Variants in KCNH7 observed in about 807,000 individuals in gnomAD.
The protein encoded by KCNH7 is potassium voltage-gated channel subfamily H member 7.
In KCNH7, 49 loss-of-function variants were observed where a neutral mutation model predicts 120.8. The observed-to-expected ratio is 0.41, with a 90% CI of 0.32 to 0.51. KCNH7 has a LOEUF of 0.51. KCNH7 is among the 20% of genes least tolerant of loss of function. KCNH7 has a pLI of 0.38. For synonymous variants in KCNH7, 547 were observed against 516.1 expected, an observed-to-expected ratio of 1.06 and a Z score of -0.81; for missense variants, 1,097 against 1,446.6, an observed-to-expected ratio of 0.76 and a Z score of 3.92.
chr2:162,601,945 GTTATAA>G (rs1489620647), intron 2 of KCNH7, among the ~76,000 whole-genome samples: 1 of 152,042 alleles, frequency 6.6e-6, no homozygotes, highest in East Asian at 1.9e-4. Flanking sequence ...ATTACAAAAT[GTTATAA>G]ACCAGACATA....
intron 12 of KCNH7, among the ~76,000 whole-genome samples, chr2:162,391,008 G>A (rs1315767707): frequency 3.3e-5 from 5 of 151,940 alleles, no homozygotes; most frequent in Non-Finnish European, 7.4e-5. Context: ...GATCAAAGCC[G>A]GCAAATTTGC....
rs71410023 is a variant in KCNH7, at chr2:162,671,392, G to GTT, written c.308-134314_308-134313dup. On this transcript the variant is annotated intron_variant, in intron 2 of 15. Transcript: ENST00000332142. ...TCAGCCATTAAAAAAATGAAATCAT[G>GTT]TTTTTTTTTTTTTGCAGCAACATGC... 1.0e-3 allele frequency among the ~76,000 whole-genome samples: 148 copies of GTT among 143,260 alleles called. 1 individual carries two copies. Among genetic ancestry groups the GTT allele is most frequent in the Middle Eastern group, 3.7e-3 (1 of 272 alleles). The allele number at this position is 143,260 out of a possible 152,430, so 94.0% of individuals were successfully genotyped here. A position where few individuals can be genotyped will look rare whatever the true frequency, so the allele number is the denominator to read the frequency against.
intron 2 of KCNH7, among the ~76,000 whole-genome samples, chr2:162,779,349 T>C (rs578025852): frequency 2.6e-4 from 39 of 151,970 alleles, no homozygotes; most frequent in Non-Finnish European, 1.5e-4. Context: ...TACAGGCATG[T>C]GCCACCAAGC....
At chr2:162,454,809 GTTGT>G (rs1688903223) in intron 6 of KCNH7, among the ~76,000 whole-genome samples, 1 of 152,098 alleles carries the variant, frequency 6.6e-6, no homozygotes. Context: ...CTTTCCTGAA[GTTGT>G]TTATCAGCTT....
chr2:162,693,327 A>T (rs1686180590), intron 2 of KCNH7, among the ~76,000 whole-genome samples: 1 of 152,206 alleles, frequency 6.6e-6, no homozygotes, highest in Non-Finnish European at 1.5e-5. Flanking sequence ...AGCCTGGAAG[A>T]TAAGAGGTTA....
In KCNH7 at chr2:162,563,804, A is replaced by C. The variant is rs1693154306; in HGVS notation, c.308-26724T>G. Among the ~76,000 whole-genome samples, 3 of 152,074 alleles carry C rather than the reference A, an allele frequency of 2.0e-5. No homozygotes were observed. In the South Asian group the frequency reaches 6.2e-4, roughly 32 times the overall value. On this transcript the variant is annotated intron_variant, in intron 2 of 15. Coordinates refer to ENST00000332142, the MANE Select transcript of KCNH7 (RefSeq NM_033272.4). ...GTATAGACAGCATCTAAATCTGACAATCTGTCATCTTACAAAGAACATTAA... is the reference window on the plus strand; with the variant it reads ...GTATAGACAGCATCTAAATCTGACACTCTGTCATCTTACAAAGAACATTAA...
chr2:162,566,275 C>A (rs1279693014), intron 2 of KCNH7, among the ~76,000 whole-genome samples: 1 of 152,028 alleles, frequency 6.6e-6, no homozygotes, highest in Non-Finnish European at 1.5e-5. Context: ...GGCTTAACAT[C>A]TTTTATAAAA....
At chr2:162,560,158 A>G (rs1378361558) in intron 2 of KCNH7, among the ~76,000 whole-genome samples, 3 of 152,232 alleles carry the variant, frequency 2.0e-5, no homozygotes, top group Non-Finnish European at 4.4e-5. Context: ...CCAGAATTCA[A>G]TGAAGTAAAT....
chr2:162,500,542 G>A (rs76972987), intron 6 of KCNH7, among the ~76,000 whole-genome samples: 14 of 151,854 alleles, frequency 9.2e-5, no homozygotes, highest in Non-Finnish European at 1.8e-4. Flanking sequence ...GTGTAATAGA[G>A]ATAAGATCCA....
At position 162,587,036 on chromosome 2, in the gene KCNH7, G is replaced by T. The variant is rs576403763; in HGVS notation, c.308-49956C>A. ...CCATCACTAATTCTACTGATTAAAT[G>T]TTACTTGTAAGCAAAACTTAGTTAG... On this transcript the variant is annotated intron_variant, in intron 2 of 15. Coordinates refer to ENST00000332142, the MANE Select transcript of KCNH7 (RefSeq NM_033272.4). Among the ~76,000 whole-genome samples the T allele has an allele frequency of 7.2e-5, 11 of 152,072 alleles. No individual in the cohort carries two copies. The South Asian group carries it at 2.3e-3, about 31-fold the overall frequency.
chr2:162,756,645 T>C (rs566606175), intron 2 of KCNH7, among the ~76,000 whole-genome samples: 1 of 152,192 alleles, frequency 6.6e-6, no homozygotes, highest in South Asian at 2.1e-4. Context: ...TTGTTTATTT[T>C]TTAGAAAGAT....
At chr2:162,393,748 T>C (rs1437676358) in intron 12 of KCNH7, among the ~76,000 whole-genome samples, 1 of 151,942 alleles carries the variant, frequency 6.6e-6, no homozygotes. Flanking sequence ...TACACTCACT[T>C]GGGCTCCCAC....
chr2:162,580,781 A>G (rs10180795), intron 2 of KCNH7, among the ~76,000 whole-genome samples: 96,794 of 151,764 alleles, frequency 0.64, 32,490 homozygotes, highest in African/African-American at 0.85. Context: ...TGAGAAGAGT[A>G]CTTGGTTTGG....
Position 162,504,493 on chromosome 2 carries a change from CA to C in KCNH7, c.1077del (p.Ile359MetfsTer12), listed in dbSNP as rs1690797422. On this transcript the variant is annotated frameshift_variant, in exon 6 of 16. Transcript: ENST00000332142. LOFTEE classifies it high-confidence loss of function. ...TGTGTTCGATCTTTAACCTTGGGTG[CA>C]ATAATGGTTTTATCTGAAGAAGGAG... ...SSPPSSDKTI[I>X]APKVKDRTHN... 1 of 1,612,878 alleles carries C rather than the reference CA, an allele frequency of 6.2e-7. No homozygotes were observed. Among genetic ancestry groups the C allele is most frequent in the Non-Finnish European group, 8.5e-7 (1 of 1,179,338 alleles).
At chr2:162,829,597 G>A (rs1339772847) in intron 2 of KCNH7, among the ~76,000 whole-genome samples, 3 of 152,022 alleles carry the variant, frequency 2.0e-5, no homozygotes, top group East Asian at 3.9e-4. Flanking sequence ...TTAGGTAACA[G>A]GTTAATAATT....
chr2:162,534,250 G>A lies in KCNH7; in HGVS notation c.463+2675C>T, dbSNP rs554032354. Among the ~76,000 whole-genome samples the A allele has an allele frequency of 9.2e-5, 14 of 151,480 alleles. No individual in the cohort carries two copies. The South Asian group carries it at 2.9e-3, about 31-fold the overall frequency. On this transcript the variant is annotated intron_variant, in intron 3 of 15. Coordinates refer to ENST00000332142, the MANE Select transcript of KCNH7 (RefSeq NM_033272.4). ...GATGCAATGAAAAAGAGGCAACAAA[G>A]TAAGCTGATAAAAACTGAATTAAGC...
intron 2 of KCNH7, among the ~76,000 whole-genome samples, chr2:162,627,805 T>C (rs1009637589): frequency 4.7e-4 from 71 of 152,176 alleles, no homozygotes; most frequent in African/African-American, 1.7e-3. Context: ...TTTCTAGTGA[T>C]TAAAATCTTT....
intron 2 of KCNH7, among the ~76,000 whole-genome samples, chr2:162,693,986 A>G (rs1256641374): frequency 6.6e-6 from 1 of 152,158 alleles, no homozygotes; most frequent in Non-Finnish European, 1.5e-5. Context: ...TTAATGAAAA[A>G]AGCCTGTGAA....
intron 2 of KCNH7, among the ~76,000 whole-genome samples, chr2:162,568,256 A>G (rs1406590270): frequency 6.6e-6 from 1 of 151,984 alleles, no homozygotes; most frequent in Non-Finnish European, 1.5e-5. Flanking sequence ...CCCTCCCTTG[A>G]CACATAGAGA....
Sources: allele counts gnomAD v4.1 joint callset (sites outside exome capture counted in the v4.1 genomes callset), GRCh38; gene constraint gnomAD v4.1.1; transcripts MANE v1.5; gene names NCBI Gene and HGNC (gene_info 2026-07-23, HGNC 2026-07-21).